SCFD2: variants seen among roughly 807,000 people sequenced by gnomAD.
SCFD2 encodes the protein sec1 family domain containing 2, also known as sec1 family domain-containing protein 2.
A neutral mutation model predicts 58.9 loss-of-function variants in SCFD2; 54 were observed. The observed-to-expected ratio is 0.92, with a 90% confidence interval of 0.74 to 1.15. SCFD2 has a LOEUF of 1.15. Ranked by LOEUF, SCFD2 falls within the 50% of genes most tolerant of loss-of-function variation. The pLI, the probability that SCFD2 is intolerant of heterozygous loss-of-function variation, is 0.00. For missense variants in SCFD2, 805 were observed against 836.6 expected, an observed-to-expected ratio of 0.96 and a Z score of 0.47; for synonymous variants, 321 against 335.9, an observed-to-expected ratio of 0.96 and a Z score of 0.49.
At chr4:53,280,336 C>T (rs1731471135) in intron 3 of SCFD2, among the ~76,000 whole-genome samples, 1 of 151,908 alleles carries the variant, frequency 6.6e-6, no homozygotes, top group South Asian at 2.1e-4. Context: ...GCCAACATGG[C>T]GAAACCCCAT....
rs1722358538 is a variant in SCFD2, at chr4:53,021,897, C to A, written c.1562-101027G>T. ...ACTGTAAGACAGAACCCAGGTGACA[C>A]TCTATGATGACTGGTGCCAAGCCAG... On this transcript the variant is annotated intron_variant, in intron 5 of 8. Coordinates refer to ENST00000401642, the MANE Select transcript of SCFD2 (RefSeq NM_152540.4). Among the ~76,000 whole-genome samples the A allele has an allele frequency of 1.3e-5, 2 of 152,164 alleles. 1 individual carries two copies. Among genetic ancestry groups the A allele is most frequent in the Admixed American group, 1.3e-4 (2 of 15,258 alleles).
intron 1 of SCFD2, among the ~76,000 whole-genome samples, chr4:53,355,773 G>A (rs1196812904): frequency 6.6e-6 from 1 of 152,062 alleles, no homozygotes; most frequent in Non-Finnish European, 1.5e-5. Flanking sequence ...GGCTCCTAGT[G>A]GTCCTCAAGC....
intron 2 of SCFD2, among the ~76,000 whole-genome samples, chr4:53,343,973 C>A (rs1162315188): frequency 6.6e-6 from 1 of 152,160 alleles, no homozygotes; most frequent in Non-Finnish European, 1.5e-5. Flanking sequence ...CTATCTATGA[C>A]AAACCCACAG....
intron 1 of SCFD2, among the ~76,000 whole-genome samples, chr4:53,362,729 G>C (rs1302712878): frequency 6.6e-6 from 1 of 151,238 alleles, no homozygotes; most frequent in Admixed American, 6.6e-5. Flanking sequence ...GAGAGGTCAA[G>C]ACAGAAGATG....
At chr4:53,054,643 A>AG (rs1723273824) in intron 5 of SCFD2, among the ~76,000 whole-genome samples, 1 of 150,122 alleles carries the variant, frequency 6.7e-6, no homozygotes, top group African/African-American at 2.5e-5. Context: ...AAAAAAAAAG[A>AG]GTTTTTTTTT....
intron 5 of SCFD2, among the ~76,000 whole-genome samples, chr4:52,951,282 G>T (rs1009537540): frequency 1.3e-5 from 2 of 152,118 alleles, no homozygotes; most frequent in African/African-American, 4.8e-5. Flanking sequence ...CTGCCCTCAA[G>T]ATTTAGAAGT....
intron 5 of SCFD2, among the ~76,000 whole-genome samples, chr4:53,049,508 A>C (rs1185402806): frequency 6.6e-6 from 1 of 152,194 alleles, no homozygotes; most frequent in African/African-American, 2.4e-5. Flanking sequence ...TCACTTGTGC[A>C]AGCTTACATA....
At chr4:53,132,695 T>C (rs1725819073) in intron 5 of SCFD2, among the ~76,000 whole-genome samples, 1 of 152,220 alleles carries the variant, frequency 6.6e-6, no homozygotes. Flanking sequence ...TTTCACTTAC[T>C]GTAATGAGTT....
chr4:52,938,017 C>A (rs1228437216), intron 5 of SCFD2, among the ~76,000 whole-genome samples: 1 of 152,156 alleles, frequency 6.6e-6, no homozygotes, highest in Non-Finnish European at 1.5e-5. Flanking sequence ...TAAGTGCCTG[C>A]CATGTGACAC....
chr4:52,936,346 C>G (rs1361499641), intron 5 of SCFD2, among the ~76,000 whole-genome samples: 1 of 152,156 alleles, frequency 6.6e-6, no homozygotes, highest in Non-Finnish European at 1.5e-5. Context: ...TTTCATTTTT[C>G]ATCAGTCAAT....
rs188926857 is a variant in SCFD2, at chr4:53,093,816, C to T, written c.1561+51517G>A. Among the ~76,000 whole-genome samples the T allele has an allele frequency of 3.2e-3, 490 of 151,636 alleles. 1 individual carries two copies. Among genetic ancestry groups the T allele is most frequent in the African/African-American group, 0.011 (444 of 41,390 alleles). On this transcript the variant is annotated intron_variant, in intron 5 of 8. Coordinates refer to ENST00000401642, the MANE Select transcript of SCFD2 (RefSeq NM_152540.4). ...TATCTTTGCAGGAGCACTCAAGAAA[C>T]GGTAGCATCAGTCATCTCCAGGAAG...
chr4:53,266,239 A>T (rs1049988840), intron 4 of SCFD2, among the ~76,000 whole-genome samples: 4 of 152,094 alleles, frequency 2.6e-5, no homozygotes, highest in African/African-American at 9.7e-5. Flanking sequence ...GGAAACCAAA[A>T]TCCAGGTGAG....
intron 4 of SCFD2, among the ~76,000 whole-genome samples, chr4:53,180,597 A>G (rs1348179398): frequency 1.3e-5 from 2 of 152,150 alleles, no homozygotes; most frequent in African/African-American, 2.4e-5. Context: ...AAGAACTAGA[A>G]AAGCAAGAGC....
chr4:53,188,672 T>G (rs1362304012), intron 4 of SCFD2, among the ~76,000 whole-genome samples: 3 of 152,262 alleles, frequency 2.0e-5, no homozygotes, highest in African/African-American at 7.2e-5. Flanking sequence ...GCCATGGTAT[T>G]ACAGTATTGA....
rs1335975774 is a variant in SCFD2 at position 53,317,022 on chromosome 4, G to A, written c.1008-3259C>T. ...CTCAGGAGGTTGAGGCAGGAGAATC[G>A]TTTGAACCCGGGAGGTAGAGGTTGC... On this transcript the variant is annotated intron_variant, in intron 2 of 8. Coordinates refer to ENST00000401642, the MANE Select transcript of SCFD2 (RefSeq NM_152540.4). Among the ~76,000 whole-genome samples, 5 of 150,960 alleles carry A rather than the reference G, an allele frequency of 3.3e-5. No individual in the cohort carries two copies. The East Asian group carries it at 9.7e-4, about 29-fold the overall frequency.
At chr4:52,910,632 G>C (rs1719462171) in intron 6 of SCFD2, among the ~76,000 whole-genome samples, 1 of 152,166 alleles carries the variant, frequency 6.6e-6, no homozygotes, top group Non-Finnish European at 1.5e-5. Flanking sequence ...CACATAGGCT[G>C]TCATATTTAA....
At chr4:52,981,407 T>A (rs899689535) in intron 5 of SCFD2, among the ~76,000 whole-genome samples, 1 of 152,178 alleles carries the variant, frequency 6.6e-6, no homozygotes, top group Non-Finnish European at 1.5e-5. Context: ...CTGGTTAACA[T>A]GTATGTCTCA....
At chr4:53,056,277 T>C (rs541847272) in intron 5 of SCFD2, among the ~76,000 whole-genome samples, 2 of 152,256 alleles carry the variant, frequency 1.3e-5, no homozygotes, top group Admixed American at 1.3e-4. Flanking sequence ...CCAGTGGACC[T>C]AGACTAAATC....
At chr4:53,243,600 T>A (rs1300391556) in intron 4 of SCFD2, among the ~76,000 whole-genome samples, 2 of 151,564 alleles carry the variant, frequency 1.3e-5, no homozygotes, top group African/African-American at 2.4e-5. Flanking sequence ...CTTATCAACA[T>A]GAAGAGAGGA....
Sources: allele counts gnomAD v4.1 joint callset (sites outside exome capture counted in the v4.1 genomes callset), GRCh38; gene constraint gnomAD v4.1.1; transcripts MANE v1.5; gene names NCBI Gene and HGNC (gene_info 2026-07-23, HGNC 2026-07-21).